MMADHC: variants seen among roughly 807,000 people sequenced by gnomAD.
MMADHC encodes metabolism of cobalamin associated D, also known as cobalamin trafficking protein CblD.
In MMADHC, 23 loss-of-function variants were observed where a neutral mutation model predicts 36.3. The observed-to-expected ratio is 0.63, with a 90% confidence interval of 0.46 to 0.90. The LOEUF is 0.90. Among genes scored for constraint, MMADHC ranks in the 40% least tolerant of loss-of-function variants. The pLI is 0.00. For synonymous variants in MMADHC, 97 were observed against 116.1 expected (o/e 0.84, Z 1.06); for missense variants, 330 against 348.0 (o/e 0.95, Z 0.41).
chr2:149,578,031 A>AAACAACAAC (rs369345545), intron 4 of MMADHC, among the ~76,000 whole-genome samples: 1 of 152,048 alleles, frequency 6.6e-6, no homozygotes, highest in Admixed American at 6.6e-5. Context: ...CAAACAAACC[A>AAACAACAAC]AACAACAACA....
intron 6 of MMADHC, among the ~76,000 whole-genome samples, chr2:149,571,658 T>C (rs1037189682): frequency 1.3e-5 from 2 of 151,978 alleles, no homozygotes; most frequent in African/African-American, 4.8e-5. Flanking sequence ...CGGGCGCCTG[T>C]AGTCCCAGCT....
In MMADHC at chr2:149,570,238, T is replaced by C. The variant is rs186838017; in HGVS notation, c.697-70A>G. On this transcript the variant is annotated intron_variant, in intron 7 of 7. Coordinates refer to ENST00000303319, the MANE Select transcript of MMADHC (RefSeq NM_015702.3). ...TTTAGTAATAATTTTTAGGTAAACA[T>C]GAACACCTATCTACTTTAATACTCC... 1,779 of 1,254,136 alleles carry C rather than the reference T, an allele frequency of 1.4e-3. 1 individual carries two copies. The highest frequency in any genetic ancestry group is 1.9e-3 in the Non-Finnish European group (1,638 of 873,002). The allele number at this position is 1,254,136 out of a possible 1,614,324, so 77.7% of individuals were successfully genotyped here.
At chr2:149,571,321 G>C (rs896249166) in intron 6 of MMADHC, 150 bp from the exon 7 acceptor site, 1 of 529,822 alleles carries the variant, frequency 1.9e-6, no homozygotes, top group Non-Finnish European at 3.4e-6. Flanking sequence ...GACTGTAAAG[G>C]CGTAAGATTC....
chr2:149,579,933 T>C (rs1308074726), intron 3 of MMADHC, among the ~76,000 whole-genome samples: 1 of 152,210 alleles, frequency 6.6e-6, no homozygotes, highest in African/African-American at 2.4e-5. Flanking sequence ...AATAAACCTT[T>C]ACATACTGAC....
Position 149,569,965 on chromosome 2 carries a change from A to C in MMADHC, c.*9T>G, listed in dbSNP as rs755691377. On this transcript the variant is annotated 3_prime_UTR_variant, in exon 8 of 8. Coordinates refer to ENST00000303319, the MANE Select transcript of MMADHC (RefSeq NM_015702.3). The stretch of plus-strand genomic sequence containing the variant: ...TACAAATAGTACAGCAAATGAATGG[A>C]TATTTCTGCTAATTTCCACTTAATT... The C allele has an allele frequency of 2.5e-6, 4 of 1,610,046 alleles. No homozygotes were observed. Among genetic ancestry groups the C allele is most frequent in the Non-Finnish European group, 3.4e-6 (4 of 1,176,422 alleles).
intron 6 of MMADHC, among the ~76,000 whole-genome samples, chr2:149,571,721 A>G (rs1207446600): frequency 1.3e-5 from 2 of 151,540 alleles, no homozygotes; most frequent in Non-Finnish European, 2.9e-5. Context: ...CAGAGCTTGC[A>G]GTGAGCCGAG....
intron 2 of MMADHC, among the ~76,000 whole-genome samples, chr2:149,586,593 G>A (rs1573882296): frequency 6.6e-6 from 1 of 152,102 alleles, no homozygotes; most frequent in East Asian, 1.9e-4. Flanking sequence ...TCTTATGACC[G>A]CTACATATGA....
chr2:149,571,640 T>C (rs1237049497), intron 6 of MMADHC, among the ~76,000 whole-genome samples: 4 of 151,234 alleles, frequency 2.6e-5, no homozygotes, highest in Non-Finnish European at 5.9e-5. Context: ...ATTAGCCGGG[T>C]GTGGTGGCGG....
Position 149,582,132 on chromosome 2 carries a change from T to C in MMADHC, c.149A>G (p.Asp50Gly), listed in dbSNP as rs748278993. 1.2e-5 allele frequency: 19 copies of C among 1,613,730 alleles called. No individual in the cohort carries two copies. The highest frequency in any genetic ancestry group is 8.9e-5 in the East Asian group (4 of 44,876). ...CAGTAACAACTTTCACTTACATATA[T>C]CTGGAGGTGCAGCAGCCACATGAGA... ...DESHVAAAPP[D>G]ICSRTVWPDE... The change falls in exon 3 of 8, where the codon GAT (aspartate) becomes GGT (glycine). Residue 50 changes from aspartate (D) to glycine (G), a missense_variant. Coordinates refer to ENST00000303319, the MANE Select transcript of MMADHC (RefSeq NM_015702.3).
rs371370642 is a variant in MMADHC at position 149,587,127 on chromosome 2, G to A, written c.-30C>T. 4 of 1,610,672 alleles carry A rather than the reference G, an allele frequency of 2.5e-6. No homozygotes were observed. The highest frequency in any genetic ancestry group is 3.4e-6 in the Non-Finnish European group (4 of 1,176,888). ...GCTGGAGAAGATAGTTCGCAAAATA[G>A]CTTTCCTTTGGTAAAGTTATTTCTG... On this transcript the variant is annotated 5_prime_UTR_variant, in exon 2 of 8. Coordinates refer to ENST00000303319, the MANE Select transcript of MMADHC (RefSeq NM_015702.3).
At position 149,570,178 on chromosome 2, in the gene MMADHC, T is replaced by C. The variant is rs749324158; in HGVS notation, c.697-10A>G. 2 of 1,605,500 alleles carry C rather than the reference T, an allele frequency of 1.2e-6. No homozygotes were observed. The highest frequency in any genetic ancestry group is 1.7e-6 in the Non-Finnish European group (2 of 1,172,908). ...TATATGGTCCAAAAAACTGAGGAAA[T>C]AAAAACGAAATATTCTCATTAGTAA... On this transcript the variant is annotated splice_polypyrimidine_tract_variant and intron_variant, in intron 7 of 7. Transcript: ENST00000303319.
chr2:149,579,880 T>G (rs1244442834), intron 3 of MMADHC, among the ~76,000 whole-genome samples: 1 of 152,176 alleles, frequency 6.6e-6, no homozygotes, highest in African/African-American at 2.4e-5. Flanking sequence ...TAAAATACTC[T>G]AATCCATACT....
intron 6 of MMADHC, among the ~76,000 whole-genome samples, chr2:149,575,462 A>C (rs1192325272): frequency 6.6e-6 from 1 of 152,120 alleles, no homozygotes; most frequent in South Asian, 2.1e-4. Context: ...CCTTTTTGTC[A>C]TTTACCAAAT....
chr2:149,583,470 G>A (rs1299259412), intron 2 of MMADHC, among the ~76,000 whole-genome samples: 1 of 152,098 alleles, frequency 6.6e-6, no homozygotes, highest in Non-Finnish European at 1.5e-5. Flanking sequence ...TGACACAGAT[G>A]GTAAAGGGCT....
intron 3 of MMADHC, 129 bp from the exon 4 acceptor site, chr2:149,579,777 G>T: frequency 1.2e-6 from 1 of 830,894 alleles, no homozygotes; most frequent in Non-Finnish European, 1.9e-6. Flanking sequence ...TTTCCCATGT[G>T]AATATAAATA....
chr2:149,587,498 T>G (rs1682891398), intron 1 of MMADHC, 166 bp downstream of exon 1: 1 of 274,870 alleles, frequency 3.6e-6, no homozygotes, highest in African/African-American at 2.2e-5. Flanking sequence ...AAGCAAAGCT[T>G]CAGGCTGATC....
chr2:149,587,305 T>C (rs1490210517), intron 1 of MMADHC, 156 bp from the exon 2 acceptor site: 4 of 613,642 alleles, frequency 6.5e-6, no homozygotes, highest in Non-Finnish European at 1.2e-5. Context: ...CTCGCCCCCA[T>C]GCCAGGCACA....
Position 149,575,859 on chromosome 2 carries a change from C to G in MMADHC, c.479-18G>C. The G allele has an allele frequency of 9.5e-6, 15 of 1,573,424 alleles. No individual in the cohort carries two copies. The highest frequency in any genetic ancestry group is 1.3e-5 in the Non-Finnish European group (15 of 1,149,796). ...TTCAAAATCTACAAATAAGAATAAA[C>G]ATTCCAGGTAGAAAAGAATTTGATT... On this transcript the variant is annotated intron_variant, in intron 5 of 7. Transcript: ENST00000303319.
In MMADHC at chr2:149,587,113, T is replaced by A. The variant is rs144111552; in HGVS notation, c.-16A>T. 2.5e-6 allele frequency: 4 copies of A among 1,613,566 alleles called. No homozygotes were observed. The South Asian group carries it at 4.4e-5, about 18-fold the overall frequency. ...CATTGGCCATCTCCGCTGGAGAAGATAGTTCGCAAAATAGCTTTCCTTTGG... is the reference window on the plus strand; with the variant it reads ...CATTGGCCATCTCCGCTGGAGAAGAAAGTTCGCAAAATAGCTTTCCTTTGG... On this transcript the variant is annotated 5_prime_UTR_variant, in exon 2 of 8. Coordinates refer to ENST00000303319, the MANE Select transcript of MMADHC (RefSeq NM_015702.3).
Sources: allele counts gnomAD v4.1 joint callset (sites outside exome capture counted in the v4.1 genomes callset), GRCh38; gene constraint gnomAD v4.1.1; transcripts MANE v1.5; gene names NCBI Gene and HGNC (gene_info 2026-07-23, HGNC 2026-07-21).